Variants in SAMD12 observed in about 807,000 individuals in gnomAD.
SAMD12 encodes sterile alpha motif domain containing 12.
SAMD12 carries 9 observed loss-of-function variants against 15.0 expected under a neutral mutation model. The observed-to-expected ratio is 0.60, with a 90% CI of 0.36 to 1.05. The LOEUF is 1.05. Ranked by LOEUF, SAMD12 falls within the 50% of genes least tolerant of loss-of-function variation. SAMD12 has a pLI of 0.01. For missense variants in SAMD12, 230 were observed against 234.2 expected, an observed-to-expected ratio of 0.98 and a Z score of 0.12; for synonymous variants, 86 against 90.1, an observed-to-expected ratio of 0.96 and a Z score of 0.25.
intron 2 of SAMD12, among the ~76,000 whole-genome samples, chr8:118,526,148 C>T (rs1825531128): frequency 1.3e-5 from 2 of 152,142 alleles, no homozygotes; most frequent in African/African-American, 4.8e-5. Context: ...TATTAGCATC[C>T]TGCTGTTCTA....
intron 1 of SAMD12, among the ~76,000 whole-genome samples, chr8:118,607,068 CT>C (rs1217067159): frequency 6.6e-6 from 1 of 152,154 alleles, no homozygotes; most frequent in Admixed American, 6.5e-5. Context: ...ATTATATCCT[CT>C]CCTGACATTT....
chr8:118,132,359 A>G, the SAMD12 span, among the ~76,000 whole-genome samples: 7 of 152,298 alleles, frequency 4.6e-5, no homozygotes, highest in African/African-American at 9.6e-5. Context: ...AGTGTCCCCA[A>G]TTCTGCAATG....
At chr8:118,595,382 A>T (rs1009809778) in intron 1 of SAMD12, among the ~76,000 whole-genome samples, 2 of 152,238 alleles carry the variant, frequency 1.3e-5, no homozygotes, top group Non-Finnish European at 2.9e-5. Context: ...TAAAGAATCC[A>T]CTCGGAAAGA....
chr8:118,239,878 C>G (rs1812526964), intron 4 of SAMD12: 1 of 152,178 alleles, frequency 6.6e-6, no homozygotes, highest in South Asian at 2.1e-4. Flanking sequence ...GATGCCATCT[C>G]CATTACAGCG....
At chr8:118,568,610 G>T (rs1443998044) in intron 2 of SAMD12, among the ~76,000 whole-genome samples, 1 of 152,078 alleles carries the variant, frequency 6.6e-6, no homozygotes. Context: ...CTGATTTTGA[G>T]AATTTAAAAA....
At chr8:118,547,895 T>G (rs761119293) in intron 2 of SAMD12, among the ~76,000 whole-genome samples, 1 of 152,184 alleles carries the variant, frequency 6.6e-6, no homozygotes, top group Admixed American at 6.5e-5. Context: ...CAAACACTGT[T>G]CATCCTCACA....
intron 2 of SAMD12, among the ~76,000 whole-genome samples, chr8:118,454,845 T>C (rs1242574498): frequency 6.6e-6 from 1 of 152,208 alleles, no homozygotes; most frequent in Non-Finnish European, 1.5e-5. Flanking sequence ...TCTGCTTCTG[T>C]GAGTTTGCCT....
chr8:118,341,782 C>G (rs80208753), intron 4 of SAMD12, among the ~76,000 whole-genome samples: 11,993 of 152,224 alleles, frequency 0.079, 630 homozygotes, highest in Middle Eastern at 0.12. Context: ...CACAAACAGG[C>G]AGTATATGAC....
At position 118,379,209 on chromosome 8, in the gene SAMD12, C is replaced by T; in HGVS notation, c.*208G>A. On this transcript the variant is annotated 3_prime_UTR_variant, in exon 4 of 4. Transcript: ENST00000314727. ...GCTACAGCTGGACTGTACAGTTGTGCAGGCTGCACATTATACAACTCTAGT... is the reference window on the plus strand; with the variant it reads ...GCTACAGCTGGACTGTACAGTTGTGTAGGCTGCACATTATACAACTCTAGT... 2.2e-6 allele frequency: 3 copies of T among 1,389,044 alleles called. No individual in the cohort carries two copies. The highest frequency in any genetic ancestry group is 1.9e-6 in the Non-Finnish European group (2 of 1,072,432). The allele number at this position is 1,389,044 out of a possible 1,614,324, so 86.0% of individuals were successfully genotyped here.
intron 2 of SAMD12, among the ~76,000 whole-genome samples, chr8:118,569,065 T>C (rs1193176124): frequency 6.6e-6 from 1 of 152,230 alleles, no homozygotes; most frequent in East Asian, 1.9e-4. Context: ...CAGCCAATAG[T>C]GATTTAACAC....
chr8:118,184,815 T>C (rs1384662518), downstream of SAMD12, among the ~76,000 whole-genome samples: 2 of 152,120 alleles, frequency 1.3e-5, no homozygotes. Flanking sequence ...TAAAATATAG[T>C]TCTGAATTCA....
chr8:118,415,626 C>T (rs2130826541), intron 3 of SAMD12, among the ~76,000 whole-genome samples: 1 of 152,224 alleles, frequency 6.6e-6, no homozygotes, highest in Admixed American at 6.5e-5. Context: ...ACTGTTTATT[C>T]AAGATGAGCA....
chr8:118,252,516 C>T (rs1296846868), intron 4 of SAMD12, among the ~76,000 whole-genome samples: 3 of 152,150 alleles, frequency 2.0e-5, no homozygotes, highest in South Asian at 2.1e-4. Context: ...ATCTTTGCTC[C>T]GCATCCAGTT....
chr8:118,422,373 G>T (rs1336411575), intron 3 of SAMD12, among the ~76,000 whole-genome samples: 1 of 152,214 alleles, frequency 6.6e-6, no homozygotes, highest in Non-Finnish European at 1.5e-5. Flanking sequence ...TTTATTAATT[G>T]TGTAAAATGT....
chr8:118,287,598 G>A (rs758937320), intron 4 of SAMD12, among the ~76,000 whole-genome samples: 9 of 152,104 alleles, frequency 5.9e-5, no homozygotes, highest in Non-Finnish European at 1.3e-4. Context: ...AGAAGCACGT[G>A]GTGCCCGGTT....
chr8:118,524,996 A>AAGAT (rs1196375534), intron 2 of SAMD12, among the ~76,000 whole-genome samples: 2 of 152,158 alleles, frequency 1.3e-5, no homozygotes, highest in Non-Finnish European at 2.9e-5. Context: ...TCAAAACCCA[A>AAGAT]AGATGCCTTA....
intron 2 of SAMD12, among the ~76,000 whole-genome samples, chr8:118,485,962 A>G (rs1027581034): frequency 3.3e-5 from 5 of 152,178 alleles, no homozygotes; most frequent in African/African-American, 1.2e-4. Context: ...GAATTTCATG[A>G]AGGTAGTTAA....
At chr8:118,213,464 A>G (rs547251722) in intron 4 of SAMD12, among the ~76,000 whole-genome samples, 16 of 152,336 alleles carry the variant, frequency 1.1e-4, no homozygotes, top group Admixed American at 5.2e-4. Flanking sequence ...CAAGCAGCCA[A>G]CTGCCTGTGC....
chr8:118,267,113 T>C (rs1269826857), intron 4 of SAMD12, among the ~76,000 whole-genome samples: 1 of 152,118 alleles, frequency 6.6e-6, no homozygotes, highest in East Asian at 1.9e-4. Context: ...TACTTGTCAG[T>C]TAAAAAGCCA....
Sources: allele counts gnomAD v4.1 joint callset (sites outside exome capture counted in the v4.1 genomes callset), GRCh38; gene constraint gnomAD v4.1.1; transcripts MANE v1.5; gene names NCBI Gene and HGNC (gene_info 2026-07-23, HGNC 2026-07-21).